The following IKZF1 variants were observed in gnomAD, a reference collection of about 807,000 sequenced individuals.
IKZF1 encodes IKAROS family zinc finger 1, also known as DNA-binding protein Ikaros.
In IKZF1, 10 loss-of-function variants were observed where a neutral mutation model predicts 51.7. That is an observed-to-expected ratio of 0.19 (90% CI 0.12 to 0.33). IKZF1 has a LOEUF of 0.33. Ranked by LOEUF, IKZF1 falls within the 10% of genes least tolerant of loss-of-function variation. The pLI is 1.00. For synonymous variants in IKZF1, 280 were observed against 282.3 expected (o/e 0.99, Z 0.08); for missense variants, 484 against 707.5 (o/e 0.68, Z 3.58).
chr7:50,358,930 T>C (rs1245039663), intron 3 of IKZF1, among the ~76,000 whole-genome samples: 4 of 152,184 alleles, frequency 2.6e-5, no homozygotes, highest in African/African-American at 4.8e-5. Flanking sequence ...TCCTTCCTTA[T>C]GTCTTCTCAC....
chr7:50,327,601 T>G, intron 2 of IKZF1, 37 bp from the exon 3 acceptor site: 1 of 1,566,520 alleles, frequency 6.4e-7, no homozygotes, highest in Non-Finnish European at 8.7e-7. Flanking sequence ...ACCTTGACCA[T>G]GACCGCCCGA....
intron 3 of IKZF1, among the ~76,000 whole-genome samples, chr7:50,349,852 G>T (rs1801384973): frequency 6.6e-6 from 1 of 152,128 alleles, no homozygotes; most frequent in Non-Finnish European, 1.5e-5. Context: ...ATGTTATTGG[G>T]TCTATGAAAA....
chr7:50,355,413 G>A (rs960781682), intron 3 of IKZF1, among the ~76,000 whole-genome samples: 3 of 152,192 alleles, frequency 2.0e-5, no homozygotes, highest in Non-Finnish European at 2.9e-5. Flanking sequence ...GCCAACGCCC[G>A]CCTTGAGGCC....
intron 2 of IKZF1, among the ~76,000 whole-genome samples, chr7:50,322,005 T>C (rs1793494145): frequency 6.6e-6 from 1 of 152,220 alleles, no homozygotes; most frequent in Non-Finnish European, 1.5e-5. Flanking sequence ...CATACTGCTT[T>C]TGATTCCTGT....
Position 50,400,184 on chromosome 7 carries a change from C to T in IKZF1, c.1117C>T (p.Leu373=), listed in dbSNP as rs1213485838. ...HSAQDSAVEN[L]LLLSKAKLVP... ...GGCCCAGGACAGCGCCGTGGAGAAC[C>T]TGCTGCTGCTCTCCAAGGCCAAGTT... is the stretch of plus-strand genomic sequence containing the variant. The change falls in exon 8 of 8, where the codon CTG becomes TTG. Residue 373 remains leucine (L), a synonymous_variant. Coordinates refer to ENST00000331340, the MANE Select transcript of IKZF1 (RefSeq NM_006060.6). The surrounding 1 kb of genome is among the most constrained non-coding windows in gnomAD (Gnocchi z 5.4). 1.3e-6 allele frequency: 2 copies of T among 1,570,736 alleles called. No individual in the cohort carries two copies. Among genetic ancestry groups the T allele is most frequent in the African/African-American group, 2.7e-5 (2 of 73,882 alleles).
chr7:50,343,276 C>A (rs1401026897), intron 3 of IKZF1, among the ~76,000 whole-genome samples: 1 of 147,006 alleles, frequency 6.8e-6, no homozygotes, highest in African/African-American at 2.5e-5. Flanking sequence ...TCCTTCCTTC[C>A]TCTCTTCTTT....
At chr7:50,375,778 A>G (rs574652091) in intron 3 of IKZF1, among the ~76,000 whole-genome samples, 1 of 143,732 alleles carries the variant, frequency 7.0e-6, no homozygotes, top group African/African-American at 2.6e-5. Flanking sequence ...TCTTCCAGAT[A>G]CCTACATTCA....
chr7:50,357,065 C>G, intron 3 of IKZF1, among the ~76,000 whole-genome samples: 1 of 151,968 alleles, frequency 6.6e-6, no homozygotes, highest in East Asian at 1.9e-4. Context: ...GTGTGTGATT[C>G]CACTTGTGAT....
At chr7:50,390,317 A>G (rs2153496142) in intron 6 of IKZF1, among the ~76,000 whole-genome samples, 1 of 152,328 alleles carries the variant, frequency 6.6e-6, no homozygotes, top group East Asian at 1.9e-4. Context: ...GTCAGGAAGC[A>G]TATTAGCTTA....
Position 50,387,489 on chromosome 7 carries a change from A to G in IKZF1, c.715+19A>G, listed in dbSNP as rs940782161. 17 of 1,598,912 alleles carry G rather than the reference A, an allele frequency of 1.1e-5. No individual in the cohort carries two copies. The highest frequency in any genetic ancestry group is 1.4e-5 in the Non-Finnish European group (17 of 1,173,490). ...TACCCAGGTAAGCGCTGCTGCTCGG[A>G]GGCCAGCCTGGTGGGCTCTCCCCCC... On this transcript the variant is annotated intron_variant, in intron 6 of 7. Coordinates refer to ENST00000331340, the MANE Select transcript of IKZF1 (RefSeq NM_006060.6).
At chr7:50,392,963 C>T (rs370958328) in intron 7 of IKZF1, among the ~76,000 whole-genome samples, 19 of 152,294 alleles carry the variant, frequency 1.2e-4, no homozygotes, top group African/African-American at 3.9e-4. Context: ...TCCTAGGCAG[C>T]TCTGCCACAG....
At position 50,401,761 on chromosome 7, in the gene IKZF1, G is replaced by T. The variant is rs1477292959; in HGVS notation, c.*1134G>T. The T allele has an allele frequency of 9.1e-6, 2 of 219,748 alleles. No homozygotes were observed. The highest frequency in any genetic ancestry group is 9.1e-6 in the Non-Finnish European group (1 of 109,578). The allele number at this position is 219,748 out of a possible 1,614,324, so 13.6% of individuals were successfully genotyped here. Reference sequence around the variant, plus strand: ...TTCTCGTTTTAAAACCCATAAAGGAGTGATTTAGAACAGTCATTAATTTTC... The same window carrying T: ...TTCTCGTTTTAAAACCCATAAAGGATTGATTTAGAACAGTCATTAATTTTC... On this transcript the variant is annotated 3_prime_UTR_variant, in exon 8 of 8. Transcript: ENST00000331340.
At chr7:50,342,881 C>T (rs1799382931) in intron 3 of IKZF1, among the ~76,000 whole-genome samples, 2 of 152,186 alleles carry the variant, frequency 1.3e-5, no homozygotes, top group Admixed American at 6.5e-5. Context: ...GCTCCTGTGG[C>T]GGCTGCATTT....
At chr7:50,379,440 C>T (rs541600583) in intron 4 of IKZF1, among the ~76,000 whole-genome samples, 4 of 152,290 alleles carry the variant, frequency 2.6e-5, no homozygotes, top group South Asian at 2.1e-4. Context: ...ATCAGCTCAT[C>T]GGCACCAGCA....
At chr7:50,321,140 C>A (rs1793158951) in intron 2 of IKZF1, among the ~76,000 whole-genome samples, 1 of 152,126 alleles carries the variant, frequency 6.6e-6, no homozygotes, top group African/African-American at 2.4e-5. Flanking sequence ...ACCTGGACTT[C>A]CTCTTGGAAG....
chr7:50,368,390 G>A (rs1807638441), intron 3 of IKZF1: 1 of 653,986 alleles, frequency 1.5e-6, no homozygotes, highest in South Asian at 1.6e-5. Context: ...TTGAGTGTGA[G>A]GATAAAATGG....
intron 3 of IKZF1, among the ~76,000 whole-genome samples, chr7:50,356,947 C>T (rs1803599188): frequency 6.6e-6 from 1 of 151,848 alleles, no homozygotes; most frequent in Admixed American, 6.6e-5. Flanking sequence ...CTTCTGGAAG[C>T]TGGGGTCTCG....
At chr7:50,323,938 A>G (rs972034129) in intron 2 of IKZF1, among the ~76,000 whole-genome samples, 4 of 152,196 alleles carry the variant, frequency 2.6e-5, no homozygotes, top group African/African-American at 9.7e-5. Flanking sequence ...AGGAGTCTTA[A>G]AAAAGGGACC....
chr7:50,327,828 G>C (rs745783527), intron 3 of IKZF1, 71 bp downstream of exon 3: 74 of 1,453,436 alleles, frequency 5.1e-5, no homozygotes, highest in Non-Finnish European at 5.1e-5. Context: ...AGACAGTGAT[G>C]AAGGGATGCA....
Sources: allele counts gnomAD v4.1 joint callset (sites outside exome capture counted in the v4.1 genomes callset), GRCh38; gene constraint gnomAD v4.1.1; non-coding constraint Gnocchi (gnomAD v3.1); transcripts MANE v1.5; gene names NCBI Gene and HGNC (gene_info 2026-07-23, HGNC 2026-07-21).